Variants in UMODL1 observed in about 807,000 individuals in gnomAD.
UMODL1 encodes the protein uromodulin-like 1.
A neutral mutation model predicts 136.3 loss-of-function variants in UMODL1; 128 were observed. The ratio of observed to expected loss-of-function variants is 0.94; its 90% CI spans 0.81 to 1.09. The LOEUF (loss-of-function observed/expected upper bound fraction) is 1.09. Ranked by LOEUF, UMODL1 falls within the 50% of genes least tolerant of loss-of-function variation. UMODL1 has a pLI of 0.00. For missense variants in UMODL1, 1,766 were observed against 1,725.6 expected, an observed-to-expected ratio of 1.02 and a Z score of -0.41; for synonymous variants, 721 against 720.0, an observed-to-expected ratio of 1.00 and a Z score of -0.02.
intron 8 of UMODL1, 110 bp from the exon 9 acceptor site, chr21:42,103,758 T>G: frequency 2.4e-6 from 3 of 1,270,110 alleles, no homozygotes; most frequent in Non-Finnish European, 3.4e-6. Flanking sequence ...CTCCTCTTGA[T>G]TGTAGAGGAG....
intron 2 of UMODL1, among the ~76,000 whole-genome samples, chr21:42,083,210 A>G (rs933033955): frequency 6.6e-6 from 1 of 152,172 alleles, no homozygotes; most frequent in South Asian, 2.1e-4. Flanking sequence ...AGCAGTGGAC[A>G]TGTCCGACTT....
chr21:42,076,693 C>G (rs2066295737), intron 2 of UMODL1, among the ~76,000 whole-genome samples: 1 of 152,208 alleles, frequency 6.6e-6, no homozygotes, highest in African/African-American at 2.4e-5. Context: ...CAGCACTGAA[C>G]TCTCTTCTAC....
chr21:42,088,239 G>C, intron 4 of UMODL1, 55 bp from the exon 5 acceptor site: 2 of 1,576,644 alleles, frequency 1.3e-6, no homozygotes. Context: ...CAGTCTCCTC[G>C]TCTGTCTGAC....
At position 42,117,395 on chromosome 21, in the gene UMODL1, C is replaced by T. The variant is rs73905557; in HGVS notation, c.2475+1410C>T. 4.8e-3 allele frequency among the ~76,000 whole-genome samples: 737 copies of T among 152,376 alleles called. 7 individuals carry two copies. The highest frequency in any genetic ancestry group is 0.016 in the African/African-American group (682 of 41,588). On this transcript the variant is annotated intron_variant, in intron 14 of 22. Transcript: ENST00000408910. ...ATAAATAGTGCTGCAATGCCCCTGC[C>T]TCAGAGAAAGTTCTTTTCCTGCTCT... is the stretch of plus-strand genomic sequence containing the variant.
intron 6 of UMODL1, among the ~76,000 whole-genome samples, chr21:42,095,876 C>T (rs2146462237): frequency 6.6e-6 from 1 of 152,260 alleles, no homozygotes; most frequent in Admixed American, 6.5e-5. Context: ...ACACAGTACC[C>T]AGGAAACATT....
chr21:42,065,104 A>C (rs1021937830), intron 1 of UMODL1, among the ~76,000 whole-genome samples: 2 of 152,048 alleles, frequency 1.3e-5, no homozygotes, highest in African/African-American at 4.8e-5. Flanking sequence ...TTTTATCCCA[A>C]CCTCAGCCCC....
At chr21:42,095,449 C>T (rs899438219) in intron 6 of UMODL1, among the ~76,000 whole-genome samples, 4 of 150,454 alleles carry the variant, frequency 2.7e-5, no homozygotes, top group East Asian at 3.9e-4. Flanking sequence ...AGCTTCATAC[C>T]GCCTTCTCCT....
At chr21:42,095,480 G>A (rs561062361) in intron 6 of UMODL1, among the ~76,000 whole-genome samples, 6 of 64,678 alleles carry the variant, frequency 9.3e-5, no homozygotes, top group Non-Finnish European at 2.0e-4. Flanking sequence ...GTGTGTGTCT[G>A]TGTATAAATC....
chr21:42,116,598 G>A (rs1472093202), intron 14 of UMODL1, among the ~76,000 whole-genome samples: 1 of 151,438 alleles, frequency 6.6e-6, no homozygotes, highest in Non-Finnish European at 1.5e-5. Context: ...AACCTATGAA[G>A]CAGAAAGTCC....
At chr21:42,102,414 C>A in intron 8 of UMODL1, 136 bp downstream of exon 8, 1 of 626,780 alleles carries the variant, frequency 1.6e-6, no homozygotes, top group Non-Finnish European at 2.7e-6. Context: ...TCAGGGGAGG[C>A]CAAACCCAAA....
chr21:42,126,974 A>C, intron 18 of UMODL1, 32 bp from the exon 19 acceptor site: 1 of 1,578,310 alleles, frequency 6.3e-7, no homozygotes, highest in African/African-American at 1.3e-5. Context: ...GCCTCCTGAA[A>C]CATGCCTCCT....
upstream of UMODL1, among the ~76,000 whole-genome samples, chr21:42,066,694 C>A (rs1234389466): frequency 6.6e-6 from 1 of 152,184 alleles, no homozygotes; most frequent in East Asian, 1.9e-4. Flanking sequence ...CAGATGGTAA[C>A]CCCAGTGACC....
chr21:42,127,564 C>A, intron 19 of UMODL1, 108 bp from the exon 20 acceptor site: 1 of 1,299,512 alleles, frequency 7.7e-7, no homozygotes, highest in Non-Finnish European at 1.0e-6. Flanking sequence ...TCCACGGAGC[C>A]TGTGGAATCT....
intron 13 of UMODL1, among the ~76,000 whole-genome samples, chr21:42,115,018 G>C (rs2066884946): frequency 6.6e-6 from 1 of 152,256 alleles, no homozygotes; most frequent in Non-Finnish European, 1.5e-5. Context: ...CAAGGACGTA[G>C]AGTTTGGGGT....
rs868349601 is a variant in UMODL1, at chr21:42,123,851, G to A, written c.3147+701G>A. On this transcript the variant is annotated intron_variant, in intron 17 of 22. Coordinates refer to ENST00000408910, the MANE Select transcript of UMODL1 (RefSeq NM_001004416.3). This position sits in a 1 kb window ranked among gnomAD's most constrained non-coding sequence, Gnocchi z 4.4. The stretch of plus-strand genomic sequence containing the variant: ...TGGCATTAGTCAGAACTGCTCTGTC[G>A]GAGGGACTGTGTTCCTAGCGAACAT... Among the ~76,000 whole-genome samples the A allele has an allele frequency of 6.6e-6, 1 of 152,180 alleles. No individual in the cohort carries two copies. The highest frequency in any genetic ancestry group is 1.5e-5 in the Non-Finnish European group (1 of 68,024).
rs1320892472 is a variant in UMODL1, at chr21:42,122,710, G to A, written c.2828-121G>A. On this transcript the variant is annotated intron_variant, in intron 16 of 22. Transcript: ENST00000408910. This position sits in a 1 kb window ranked among gnomAD's most constrained non-coding sequence, Gnocchi z 4.3. ...GTGTGTAGTTGTGGCTGGAACATGC[G>A]GTTCCCAGGTGTGGCTGCTGCAGAG... The A allele has an allele frequency of 3.5e-5, 33 of 954,416 alleles. No homozygotes were observed. In the South Asian group the frequency reaches 4.2e-4, roughly 12 times the overall value. 59.1% of individuals were successfully genotyped at this position (954,416 alleles called of 1,614,324 possible). A position where few individuals can be genotyped will look rare whatever the true frequency, so the allele number is the denominator to read the frequency against.
chr21:42,098,654 G>GAGGCAGTGC (rs1297974436), intron 6 of UMODL1, among the ~76,000 whole-genome samples: 13 of 152,258 alleles, frequency 8.5e-5, no homozygotes, highest in Non-Finnish European at 1.8e-4. Flanking sequence ...TGTAATCCCA[G>GAGGCAGTGC]CTACTCGGGA....
In UMODL1 at chr21:42,127,001, T is replaced by G; in HGVS notation, c.3294-5T>G. 6.2e-7 allele frequency: 1 copy of G among 1,613,412 alleles called. No individual in the cohort carries two copies. The highest frequency in any genetic ancestry group is 8.5e-7 in the Non-Finnish European group (1 of 1,179,328). Reference sequence around the variant, plus strand: ...ATGCCTCCTGCAAGCTGCTTCCTCTTGCAGGGTTTACACCATCATCGAGGA... The same window carrying G: ...ATGCCTCCTGCAAGCTGCTTCCTCTGGCAGGGTTTACACCATCATCGAGGA... On this transcript the variant is annotated splice_polypyrimidine_tract_variant and splice_region_variant and intron_variant, in intron 18 of 22. Coordinates refer to ENST00000408910, the MANE Select transcript of UMODL1 (RefSeq NM_001004416.3).
In UMODL1 at chr21:42,137,500, C is replaced by T. The variant is rs1372252338; in HGVS notation, c.3837C>T (p.Ala1279=). The part of the protein sequence containing the change: ...GAGYVVLIVV[A]IFVLVAGTAT... Reference sequence around the variant, plus strand: ...GTTATGTGGTCCTTATTGTGGTGGCCATCTTCGTGCTGGTGGCGGGAACAG... The same window carrying T: ...GTTATGTGGTCCTTATTGTGGTGGCTATCTTCGTGCTGGTGGCGGGAACAG... The change falls in exon 22 of 23, where the codon GCC becomes GCT. Residue 1279 remains alanine (A), a synonymous_variant. Coordinates refer to ENST00000408910, the MANE Select transcript of UMODL1 (RefSeq NM_001004416.3). 4.8e-5 allele frequency: 78 copies of T among 1,614,118 alleles called. No individual in the cohort carries two copies. Among genetic ancestry groups the T allele is most frequent in the Non-Finnish European group, 6.2e-5 (73 of 1,180,054 alleles).
Sources: gnomAD v4.1 joint callset for allele counts (sites outside exome capture counted in the v4.1 genomes callset) on GRCh38, gnomAD v4.1.1 for gene constraint, Gnocchi (gnomAD v3.1) non-coding constraint, MANE v1.5 for transcripts, NCBI Gene and HGNC (gene_info 2026-07-23, HGNC 2026-07-21) for gene names.